KIF21B: variants seen among roughly 807,000 people sequenced by gnomAD.
The protein encoded by KIF21B is kinesin-like protein KIF21B.
Under a neutral mutation model 192.9 loss-of-function variants are expected in KIF21B, and 85 were observed. That is an observed-to-expected ratio of 0.44 (90% CI 0.37 to 0.53). KIF21B has a LOEUF of 0.53. KIF21B is among the 20% of genes least tolerant of loss of function. The pLI is 0.00. For synonymous variants in KIF21B, 832 were observed against 884.6 expected, an observed-to-expected ratio of 0.94 and a Z score of 1.05; for missense variants, 1,716 against 2,194.8, an observed-to-expected ratio of 0.78 and a Z score of 4.36.
intron 3 of KIF21B, among the ~76,000 whole-genome samples, chr1:201,007,531 G>GACAC (rs1258227460): frequency 9.2e-6 from 1 of 108,888 alleles, no homozygotes; most frequent in Non-Finnish European, 2.0e-5. Context: ...GAGACACACA[G>GACAC]ACACACACAC....
intron 1 of KIF21B, among the ~76,000 whole-genome samples, chr1:201,020,189 C>T (rs537219009): frequency 3.3e-5 from 5 of 152,196 alleles, no homozygotes; most frequent in Non-Finnish European, 4.4e-5. Context: ...TGAGGTCTCC[C>T]CTCATGGTGG....
chr1:201,011,042 G>A (rs1380820069), intron 1 of KIF21B, among the ~76,000 whole-genome samples: 1 of 152,186 alleles, frequency 6.6e-6, no homozygotes, highest in Admixed American at 6.5e-5. Flanking sequence ...CCCCTAAAAG[G>A]GATGGAAGCC....
chr1:200,984,957 T>A lies in KIF21B; in HGVS notation c.3705A>T (p.Gly1235=). 6.2e-7 allele frequency: 1 copy of A among 1,606,788 alleles called. No individual in the cohort carries two copies. Among genetic ancestry groups the A allele is most frequent in the South Asian group, 1.1e-5 (1 of 90,238 alleles). ...TGGGAGGGGATGATGGGGGTGTGAA[T>A]CCCACATCTGTGGACCTGGTGAGTC... is the stretch of plus-strand genomic sequence containing the variant. ...RGQPIRSTDV[G]FTPPSSPPTR... is the part of the protein sequence containing the mutation. Residue 1235 remains glycine (G), a synonymous_variant, in exon 27 of 35, where the codon GGA becomes GGT. Coordinates refer to ENST00000461742, the MANE Select transcript of KIF21B (RefSeq NM_001252102.2).
At chr1:200,977,632 A>AG (rs1373439525) in intron 30 of KIF21B, among the ~76,000 whole-genome samples, 1 of 152,068 alleles carries the variant, frequency 6.6e-6, no homozygotes, top group African/African-American at 2.4e-5. Context: ...GGTAAGGCTC[A>AG]GTCATGAGAG....
At chr1:201,006,277 G>C (rs1316646769) in intron 3 of KIF21B, among the ~76,000 whole-genome samples, 2 of 152,370 alleles carry the variant, frequency 1.3e-5, no homozygotes, top group East Asian at 3.9e-4. Flanking sequence ...CCATCGTGGG[G>C]AGGGGGCCTG....
intron 6 of KIF21B, 32 bp from the exon 7 acceptor site, chr1:201,004,487 C>A: frequency 6.5e-7 from 1 of 1,530,024 alleles, no homozygotes; most frequent in South Asian, 1.2e-5. Flanking sequence ...ACTCAGCAGT[C>A]ACTCAGGGAG....
Position 200,971,341 on chromosome 1 carries a change from A to G in KIF21B, c.*2180T>C, listed in dbSNP as rs2102358554. The G allele has an allele frequency of 6.5e-6, 1 of 152,872 alleles. No homozygotes were observed. The highest frequency in any genetic ancestry group is 2.1e-4 in the South Asian group (1 of 4,832). The allele number at this position is 152,872 out of a possible 1,614,324, so 9.5% of individuals were successfully genotyped here. ...CCATCAGAAACAGCAGAAAATGGGC[A>G]TGATGATGAGCACCTCTCGCAGGGC... On this transcript the variant is annotated 3_prime_UTR_variant, in exon 35 of 35. Coordinates refer to ENST00000461742, the MANE Select transcript of KIF21B (RefSeq NM_001252102.2).
Position 200,981,104 on chromosome 1 carries a change from G to A in KIF21B, c.3843-8C>T, listed in dbSNP as rs1262903691. The A allele has an allele frequency of 1.3e-6, 2 of 1,576,196 alleles. No homozygotes were observed. Among genetic ancestry groups the A allele is most frequent in the African/African-American group, 1.4e-5 (1 of 72,422 alleles). On this transcript the variant is annotated splice_region_variant and splice_polypyrimidine_tract_variant and intron_variant, in intron 28 of 34. Coordinates refer to ENST00000461742, the MANE Select transcript of KIF21B (RefSeq NM_001252102.2). Reference sequence around the variant, plus strand: ...ACCGGGGAGATGATGCCCCTTCCCGGGAGAGAGGGAGAGAAGGCATGCTCG... The same window carrying A: ...ACCGGGGAGATGATGCCCCTTCCCGAGAGAGAGGGAGAGAAGGCATGCTCG...
chr1:201,008,749 A>G lies in KIF21B; in HGVS notation c.447+20T>C. ...TGTCCACCAAGCCTCCCACCTGCCC[A>G]CCCTATGGGGCCACAGTACCTCCAG... On this transcript the variant is annotated intron_variant, in intron 3 of 34. Transcript: ENST00000461742. 6.4e-7 allele frequency: 1 copy of G among 1,565,156 alleles called. No individual in the cohort carries two copies. Among genetic ancestry groups the G allele is most frequent in the Non-Finnish European group, 8.6e-7 (1 of 1,160,540 alleles).
At position 200,990,476 on chromosome 1, in the gene KIF21B, G is replaced by T; in HGVS notation, c.2835+100C>A. ...TCCAGAGCAGGCAAAAGGAGCAGAG[G>T]GAAGTGGGGCAGGGAAAGGTCTGAA... On this transcript the variant is annotated intron_variant, in intron 19 of 34. Transcript: ENST00000461742. This position sits in a 1 kb window ranked among gnomAD's most constrained non-coding sequence, Gnocchi z 5.4. 1 of 1,502,790 alleles carries T rather than the reference G, an allele frequency of 6.7e-7. No homozygotes were observed. Among genetic ancestry groups the T allele is most frequent in the Non-Finnish European group, 9.1e-7 (1 of 1,101,048 alleles). The allele number at this position is 1,502,790 out of a possible 1,614,324, so 93.1% of individuals were successfully genotyped here.
intron 1 of KIF21B, among the ~76,000 whole-genome samples, chr1:201,019,362 A>C (rs993368477): frequency 2.0e-5 from 3 of 152,122 alleles, no homozygotes; most frequent in Non-Finnish European, 4.4e-5. Context: ...AAATGAACAA[A>C]CCAGAACACA....
rs893895441 is a variant in KIF21B at position 200,970,333 on chromosome 1, G to A, written c.*3188C>T. The stretch of plus-strand genomic sequence containing the variant: ...CCCAGACAGGCAGCAGGGCTGGACA[G>A]CTGAGGGTGAAGAGATTCCTAGGCT... On this transcript the variant is annotated 3_prime_UTR_variant, in exon 35 of 35. Transcript: ENST00000461742. 2 of 152,954 alleles carry A rather than the reference G, an allele frequency of 1.3e-5. No homozygotes were observed. Among genetic ancestry groups the A allele is most frequent in the African/African-American group, 4.8e-5 (2 of 41,484 alleles). The allele number at this position is 152,954 out of a possible 1,614,324, so 9.5% of individuals were successfully genotyped here. A position where few individuals can be genotyped will look rare whatever the true frequency, so the allele number is the denominator to read the frequency against.
intron 1 of KIF21B, among the ~76,000 whole-genome samples, chr1:201,011,072 T>G (rs2102467410): frequency 6.6e-6 from 1 of 152,348 alleles, no homozygotes; most frequent in Non-Finnish European, 1.5e-5. Context: ...TCACCACATT[T>G]ATCCAGCTGT....
At position 201,004,910 on chromosome 1, in the gene KIF21B, A is replaced by T; in HGVS notation, c.756T>A (p.Leu252=). 2 of 1,609,228 alleles carry T rather than the reference A, an allele frequency of 1.2e-6. No individual in the cohort carries two copies. Among genetic ancestry groups the T allele is most frequent in the Middle Eastern group, 1.7e-4 (1 of 6,048 alleles). ...PDLVNEAVTG[L]PDGTPPSSEY... ...CACTCGAGGGAGGTGTACCATCAGG[A>T]AGCCCAGTCACCGCCTCATTCACCT... The change falls in exon 6 of 35, where the codon CTT becomes CTA. Residue 252 remains leucine, a synonymous_variant. Coordinates refer to ENST00000461742, the MANE Select transcript of KIF21B (RefSeq NM_001252102.2).
intron 31 of KIF21B, 114 bp downstream of exon 31, chr1:200,977,098 A>T: frequency 8.1e-7 from 1 of 1,238,756 alleles, no homozygotes; most frequent in Non-Finnish European, 1.1e-6. Context: ...GCATGGGGGG[A>T]ATAAAGGTGT....
At chr1:201,002,437 G>T in intron 8 of KIF21B, 87 bp from the exon 9 acceptor site, 1 of 1,254,560 alleles carries the variant, frequency 8.0e-7, no homozygotes, top group Non-Finnish European at 1.1e-6. Flanking sequence ...CCCTCTGCCA[G>T]CGCCCTGGCC....
At chr1:200,988,958 T>C (rs1656494674) in intron 21 of KIF21B, 27 bp from the exon 22 acceptor site, 3 of 1,590,026 alleles carry the variant, frequency 1.9e-6, no homozygotes, top group African/African-American at 1.3e-5. Context: ...AAGCCTGGAG[T>C]TACCCCTCCT....
chr1:201,010,334 C>A (rs56832397), intron 1 of KIF21B, among the ~76,000 whole-genome samples: 11,767 of 151,680 alleles, frequency 0.078, 1,456 homozygotes, highest in African/African-American at 0.26. Context: ...GCCTGGGGTG[C>A]GCTCCCAACC....
At chr1:200,981,467 GAGGCCC>G (rs1655921923) in intron 28 of KIF21B, among the ~76,000 whole-genome samples, 1 of 151,650 alleles carries the variant, frequency 6.6e-6, no homozygotes, top group African/African-American at 2.4e-5. Flanking sequence ...GGGCAGGGCA[GAGGCCC>G]AGGGGCTGGA....
Sources: allele counts gnomAD v4.1 joint callset (sites outside exome capture counted in the v4.1 genomes callset), GRCh38; gene constraint gnomAD v4.1.1; non-coding constraint Gnocchi (gnomAD v3.1); transcripts MANE v1.5; gene names NCBI Gene and HGNC (gene_info 2026-07-23, HGNC 2026-07-21).